Variants in ITGBL1 observed in about 807,000 individuals in gnomAD.
ITGBL1 encodes integrin subunit beta like 1.
In ITGBL1, 51 loss-of-function variants were observed where a neutral mutation model predicts 68.5. The observed-to-expected ratio is 0.74, with a 90% CI of 0.59 to 0.94. The LOEUF (loss-of-function observed/expected upper bound fraction) is 0.94. ITGBL1 is among the 40% of genes least tolerant of loss of function. The pLI is 0.00. For missense variants in ITGBL1, 649 were observed against 647.4 expected (o/e 1.00, Z -0.03); for synonymous variants, 209 against 227.3 (o/e 0.92, Z 0.72).
At chr13:101,639,290 G>C (rs932202884) in intron 7 of ITGBL1, among the ~76,000 whole-genome samples, 3 of 152,102 alleles carry the variant, frequency 2.0e-5, no homozygotes, top group African/African-American at 7.2e-5. Context: ...ATTTCCCTGA[G>C]ACAAAGTTTT....
At chr13:101,564,713 CATAT>C (rs1047528071) in intron 2 of ITGBL1, among the ~76,000 whole-genome samples, 1 of 149,444 alleles carries the variant, frequency 6.7e-6, no homozygotes, top group African/African-American at 2.5e-5. Context: ...AATTTTAAAA[CATAT>C]ATATAGAAAC....
At chr13:101,556,627 C>T (rs968068063) in intron 2 of ITGBL1, among the ~76,000 whole-genome samples, 5 of 151,320 alleles carry the variant, frequency 3.3e-5, no homozygotes, top group Admixed American at 6.6e-5. Flanking sequence ...AGGGAAATTC[C>T]GTCTCAAAAA....
chr13:101,611,860 AT>A (rs1314233610), intron 7 of ITGBL1, among the ~76,000 whole-genome samples: 1 of 152,148 alleles, frequency 6.6e-6, no homozygotes, highest in African/African-American at 2.4e-5. Flanking sequence ...ACATACCTTC[AT>A]AGCAGACTTT....
At chr13:101,523,549 A>G (rs2049321870) in intron 2 of ITGBL1, among the ~76,000 whole-genome samples, 2 of 152,214 alleles carry the variant, frequency 1.3e-5, no homozygotes, top group African/African-American at 2.4e-5. Context: ...CTAATCCAGG[A>G]CTGCTGGTTT....
intron 2 of ITGBL1, among the ~76,000 whole-genome samples, chr13:101,473,016 A>G (rs916754284): frequency 2.6e-5 from 4 of 152,162 alleles, no homozygotes; most frequent in African/African-American, 9.6e-5. Flanking sequence ...TTATTAAGGA[A>G]CTACTATTTA....
At chr13:101,653,200 G>A (rs1467960255) in intron 7 of ITGBL1, among the ~76,000 whole-genome samples, 1 of 150,760 alleles carries the variant, frequency 6.6e-6, no homozygotes, top group East Asian at 1.9e-4. Context: ...AGGAGGAGGG[G>A]AGGAAAGGAG....
intron 2 of ITGBL1, among the ~76,000 whole-genome samples, chr13:101,522,590 A>T (rs530651223): frequency 6.6e-6 from 1 of 152,312 alleles, no homozygotes; most frequent in South Asian, 2.1e-4. Flanking sequence ...AGTAGATTTT[A>T]GAGTACTCTA....
downstream of ITGBL1, chr13:101,716,699 C>T (rs1566806803): frequency 6.6e-6 from 1 of 150,616 alleles, no homozygotes. Context: ...TCTAAGGATA[C>T]CTTACTTACT....
chr13:101,522,023 G>C (rs183238644), intron 2 of ITGBL1, among the ~76,000 whole-genome samples: 33 of 151,970 alleles, frequency 2.2e-4, no homozygotes, highest in African/African-American at 7.5e-4. Context: ...GAAAGAGAGA[G>C]GGAGGAAGAG....
chr13:101,526,901 T>A (rs2049390196), intron 2 of ITGBL1, among the ~76,000 whole-genome samples: 1 of 152,050 alleles, frequency 6.6e-6, no homozygotes, highest in South Asian at 2.1e-4. Context: ...ATAAGAACAT[T>A]TTCTTGTATC....
At chr13:101,532,858 T>C (rs1389990400) in intron 2 of ITGBL1, among the ~76,000 whole-genome samples, 1 of 152,216 alleles carries the variant, frequency 6.6e-6, no homozygotes, top group African/African-American at 2.4e-5. Flanking sequence ...ATAGCCTGGT[T>C]GTTCAAAGAC....
At chr13:101,659,066 C>A (rs1044579571) in intron 7 of ITGBL1, among the ~76,000 whole-genome samples, 1 of 74,732 alleles carries the variant, frequency 1.3e-5, no homozygotes, top group Non-Finnish European at 2.5e-5. Flanking sequence ...TTTTTTGAGG[C>A]GGAATCTCGC....
intron 2 of ITGBL1, among the ~76,000 whole-genome samples, chr13:101,471,100 A>T (rs1440395259): frequency 3.3e-5 from 5 of 152,212 alleles, no homozygotes. Flanking sequence ...ATTTTGAATT[A>T]TCACATGCAT....
chr13:101,549,597 T>G lies in ITGBL1; in HGVS notation c.317-18102T>G, dbSNP rs190000218. Among the ~76,000 whole-genome samples the G allele has an allele frequency of 3.9e-5, 6 of 151,914 alleles. No individual in the cohort carries two copies. The East Asian group carries it at 1.2e-3, about 29-fold the overall frequency. On this transcript the variant is annotated intron_variant, in intron 2 of 10. Transcript: ENST00000376180. The stretch of plus-strand genomic sequence containing the variant: ...AAAATGTTCAAGACTCAGTAGAAAA[T>G]AAGCCAAATATATGAGGAGAACTTC...
intron 2 of ITGBL1, among the ~76,000 whole-genome samples, chr13:101,485,874 A>G (rs2139049389): frequency 6.6e-6 from 1 of 152,332 alleles, no homozygotes; most frequent in Non-Finnish European, 1.5e-5. Flanking sequence ...TGAAAAGGGC[A>G]CACTTTTACA....
intron 2 of ITGBL1, among the ~76,000 whole-genome samples, chr13:101,494,156 G>A (rs1394883817): frequency 6.6e-6 from 1 of 152,100 alleles, no homozygotes; most frequent in African/African-American, 2.4e-5. Flanking sequence ...AAGCAAACAG[G>A]GGATTTAGAG....
intron 7 of ITGBL1, among the ~76,000 whole-genome samples, chr13:101,623,390 A>G (rs1029147708): frequency 6.6e-6 from 1 of 152,162 alleles, no homozygotes; most frequent in African/African-American, 2.4e-5. Context: ...ATCAAGTTTC[A>G]TATCTTTGTG....
At chr13:101,479,088 A>G (rs1471387038) in intron 2 of ITGBL1, among the ~76,000 whole-genome samples, 1 of 152,090 alleles carries the variant, frequency 6.6e-6, no homozygotes, top group Non-Finnish European at 1.5e-5. Flanking sequence ...CCCAAATAGT[A>G]TAGTACTAGC....
chr13:101,538,312 G>A (rs1262174596), intron 2 of ITGBL1, among the ~76,000 whole-genome samples: 40 of 151,726 alleles, frequency 2.6e-4, no homozygotes, highest in Non-Finnish European at 1.6e-4. Flanking sequence ...GGGTTGGGGG[G>A]CCGTGTAAAG....
Sources: gnomAD v4.1 joint callset for allele counts (sites outside exome capture counted in the v4.1 genomes callset) on GRCh38, gnomAD v4.1.1 for gene constraint, MANE v1.5 for transcripts, NCBI Gene and HGNC (gene_info 2026-07-23, HGNC 2026-07-21) for gene names.